The following AAMP variants were observed in gnomAD, a reference collection of about 807,000 sequenced individuals.
AAMP encodes angio-associated migratory cell protein.
In AAMP, 12 loss-of-function variants were observed where a neutral mutation model predicts 51.1. That is an observed-to-expected ratio of 0.23 (90% CI 0.15 to 0.38). The LOEUF (loss-of-function observed/expected upper bound fraction) is 0.38. Among genes scored for constraint, AAMP ranks in the 10% least tolerant of loss-of-function variants. AAMP has a pLI of 1.00. For synonymous variants in AAMP, 210 were observed against 218.7 expected (o/e 0.96, Z 0.35); for missense variants, 418 against 557.2 (o/e 0.75, Z 2.52).
intron 1 of AAMP, 194 bp from the exon 2 acceptor site, chr2:218,269,728 A>G (rs574244833): frequency 9.4e-7 from 1 of 1,058,864 alleles, no homozygotes; most frequent in East Asian, 2.6e-5. Flanking sequence ...GCGGTAAGGG[A>G]GGGCCAAGGG....
At position 218,269,515 on chromosome 2, in the gene AAMP, C is replaced by T. The variant is rs867936162; in HGVS notation, c.141G>A (p.Met47Ile). ...CTTCTTCCTCAAAGTCCACATCTTCCATCTCCTGGGCCAGGTCATCTGCTT... is the reference window on the plus strand; with the variant it reads ...CTTCTTCCTCAAAGTCCACATCTTCTATCTCCTGGGCCAGGTCATCTGCTT... Reference protein sequence around the residue: ...PPDPDDLAQEMEDVDFEEEEE... With the variant: ...PPDPDDLAQEIEDVDFEEEEE... The change falls in exon 2 of 11, where the codon ATG (methionine) becomes ATA (isoleucine). Residue 47 changes from methionine (M) to isoleucine (I), a missense_variant. By Grantham distance (10) the Met-to-Ile change is conservative. Transcript: ENST00000248450. The T allele has an allele frequency of 1.9e-6, 3 of 1,614,090 alleles. No individual in the cohort carries two copies. The highest frequency in any genetic ancestry group is 2.7e-5 in the African/African-American group (2 of 74,920).
In AAMP at chr2:218,266,887, G is replaced by A. The variant is rs747952583; in HGVS notation, c.494C>T (p.Thr165Ile). 1 of 1,614,016 alleles carries A rather than the reference G, an allele frequency of 6.2e-7. No homozygotes were observed. The highest frequency in any genetic ancestry group is 1.1e-5 in the South Asian group (1 of 91,086). Reference protein sequence around the residue: ...SGLLKVWQVDTKEEVWSFEAG... With the variant: ...SGLLKVWQVDIKEEVWSFEAG... Reference sequence around the variant, plus strand: ...TTCAAAGGACCAGACCTCCTCCTTAGTGTCCACCTGCCACACTTTCAAGAG... The same window carrying A: ...TTCAAAGGACCAGACCTCCTCCTTAATGTCCACCTGCCACACTTTCAAGAG... The change falls in exon 4 of 11, where the codon ACT becomes ATT. Residue 165 changes from threonine (T) to isoleucine (I), a missense_variant. Physicochemically the swap from Thr to Ile is moderately conservative, Grantham distance 89. Coordinates refer to ENST00000248450, the MANE Select transcript of AAMP (RefSeq NM_001087.5). This position sits in a 1 kb window ranked among gnomAD's most constrained non-coding sequence, Gnocchi z 4.7.
At position 218,265,780 on chromosome 2, in the gene AAMP, G is replaced by A. The variant is rs1395800396; in HGVS notation, c.879+51C>T. On this transcript the variant is annotated intron_variant, in intron 7 of 10. Transcript: ENST00000248450. The surrounding 1 kb of genome is among the most constrained non-coding windows in gnomAD (Gnocchi z 6.6). ...GAGACAGTGAAGACCCAGGAAGGAA[G>A]GAGAGGAGTCGGGAAAGCGGAGGCC... The A allele has an allele frequency of 6.3e-7, 1 of 1,583,268 alleles. No homozygotes were observed. The highest frequency in any genetic ancestry group is 1.1e-5 in the South Asian group (1 of 90,350).
At chr2:218,264,635 G>A in intron 10 of AAMP, 27 bp from the exon 11 acceptor site, 1 of 1,608,332 alleles carries the variant, frequency 6.2e-7, no homozygotes, top group Non-Finnish European at 8.5e-7. Context: ...TGTGATTGCA[G>A]AGACTGGGGG....
At chr2:218,264,899 A>G in intron 10 of AAMP, 121 bp downstream of exon 10, 2 of 1,503,730 alleles carry the variant, frequency 1.3e-6, no homozygotes, top group Admixed American at 1.7e-5. Flanking sequence ...GTGAACCCTC[A>G]GGCTTCTCTG....
At chr2:218,269,855 G>A in intron 1 of AAMP, 111 bp downstream of exon 1, 1 of 1,499,606 alleles carries the variant, frequency 6.7e-7, no homozygotes, top group Non-Finnish European at 9.1e-7. Flanking sequence ...GGGGAAGAGG[G>A]ATATCGGTAG....
Position 218,267,675 on chromosome 2 carries a change from A to G in AAMP, c.275-62T>C. The G allele has an allele frequency of 6.3e-7, 1 of 1,595,708 alleles. No individual in the cohort carries two copies. The highest frequency in any genetic ancestry group is 2.3e-5 in the East Asian group (1 of 44,410). ...GCTCCCACCTAGGGCTCTGTCCTTC[A>G]CAATCTTCAGGAAACCCACCCCCTT... On this transcript the variant is annotated intron_variant, in intron 2 of 10. Transcript: ENST00000248450. The surrounding 1 kb of genome is among the most constrained non-coding windows in gnomAD (Gnocchi z 4.6).
At chr2:218,264,661 C>G in intron 10 of AAMP, 53 bp from the exon 11 acceptor site, 2 of 1,521,558 alleles carry the variant, frequency 1.3e-6, no homozygotes, top group South Asian at 2.2e-5. Flanking sequence ...AGCCCACCAC[C>G]TAGGGGCCCT....
In AAMP at chr2:218,265,331, G is replaced by C; in HGVS notation, c.1074+40C>G. ...GAGGCCTGGGCTTCCCCACCACTAT[G>C]GACACAGCCCACAGGGACCCCAGCT... On this transcript the variant is annotated intron_variant, in intron 9 of 10. Transcript: ENST00000248450. This position sits in a 1 kb window ranked among gnomAD's most constrained non-coding sequence, Gnocchi z 6.6. 6.5e-7 allele frequency: 1 copy of C among 1,534,944 alleles called. No individual in the cohort carries two copies. Among genetic ancestry groups the C allele is most frequent in the East Asian group, 2.4e-5 (1 of 41,270 alleles).
intron 1 of AAMP, 131 bp from the exon 2 acceptor site, chr2:218,269,665 CCGCGGGGGCG>C: frequency 2.7e-6 from 4 of 1,492,208 alleles, no homozygotes; most frequent in Non-Finnish European, 3.7e-6. Flanking sequence ...ACACCGGGGT[CCGCGGGGGCG>C]CGCGGGACAC....
At position 218,266,398 on chromosome 2, in the gene AAMP, C is replaced by T. The variant is rs373583528; in HGVS notation, c.679+45G>A. The T allele has an allele frequency of 1.9e-5, 31 of 1,597,060 alleles. No homozygotes were observed. Among genetic ancestry groups the T allele is most frequent in the East Asian group, 2.2e-5 (1 of 44,494 alleles). On this transcript the variant is annotated intron_variant, in intron 5 of 10. Transcript: ENST00000248450. This position sits in a 1 kb window ranked among gnomAD's most constrained non-coding sequence, Gnocchi z 4.7. ...TCTGGGAGGTGTATATCCCGGGATTCGGCCTCTGCACCCAGGAAAGGTCAC... is the reference window on the plus strand; with the variant it reads ...TCTGGGAGGTGTATATCCCGGGATTTGGCCTCTGCACCCAGGAAAGGTCAC...
chr2:218,269,754 G>T (rs1377306694), intron 1 of AAMP: 3 of 986,296 alleles, frequency 3.0e-6, no homozygotes, highest in South Asian at 1.5e-5. Flanking sequence ...TGGGAAGGGG[G>T]TGTGTGAGGG....
chr2:218,269,792 C>T (rs977807614), intron 1 of AAMP, 174 bp downstream of exon 1: 37 of 1,133,990 alleles, frequency 3.3e-5, no homozygotes, highest in Middle Eastern at 5.6e-4. Flanking sequence ...GTCAGGGAAC[C>T]CCCACCCCAG....
Position 218,267,456 on chromosome 2 carries a change from A to G in AAMP, c.394+38T>C, listed in dbSNP as rs1236521036. ...CAGCCTCCTAAGATCTCCCAAAAGA[A>G]TATGACCTCTCCCAGGCCTCTACCC... On this transcript the variant is annotated intron_variant, in intron 3 of 10. Transcript: ENST00000248450. This position sits in a 1 kb window ranked among gnomAD's most constrained non-coding sequence, Gnocchi z 4.6. 1.2e-6 allele frequency: 2 copies of G among 1,611,262 alleles called. No homozygotes were observed. Among genetic ancestry groups the G allele is most frequent in the South Asian group, 1.1e-5 (1 of 90,878 alleles).
In AAMP at chr2:218,265,184, G is replaced by A; in HGVS notation, c.1075-10C>T. On this transcript the variant is annotated splice_polypyrimidine_tract_variant and intron_variant, in intron 9 of 10. Transcript: ENST00000248450. This position sits in a 1 kb window ranked among gnomAD's most constrained non-coding sequence, Gnocchi z 6.6. ...GCTGCACGATGCCCGACTGCCCCGA[G>A]GAATGACAGAGGCAGGGCGGAGGTT... 2 of 1,576,804 alleles carry A rather than the reference G, an allele frequency of 1.3e-6. No homozygotes were observed. The highest frequency in any genetic ancestry group is 1.7e-6 in the Non-Finnish European group (2 of 1,161,104).
In AAMP at chr2:218,269,439, C is replaced by T; in HGVS notation, c.217G>A (p.Val73Met). ...EGWVLEPQEG[V>M]VGSMEGPDDS... is the part of the protein sequence containing the mutation. ...TCGGGGCCCTCCATGCTGCCGACCA[C>T]CCCTTCCTGGGGTTCTAGAACCCAG... Residue 73 changes from valine (V) to methionine (M), a missense_variant, in exon 2 of 11, where the codon GTG (valine) becomes ATG (methionine). By Grantham distance (21) the Val-to-Met change is conservative. Coordinates refer to ENST00000248450, the MANE Select transcript of AAMP (RefSeq NM_001087.5). 6.2e-7 allele frequency: 1 copy of T among 1,614,248 alleles called. No homozygotes were observed. The highest frequency in any genetic ancestry group is 8.5e-7 in the Non-Finnish European group (1 of 1,180,042).
Position 218,266,047 on chromosome 2 carries a change from TC to T in AAMP, c.763+16del, listed in dbSNP as rs1559492653. ...CCCTACAAAGGCCCAGGCTAACACT[TC>T]CCCCACCTCTGATACCTTTCAGTAC... is the stretch of plus-strand genomic sequence containing the variant. On this transcript the variant is annotated intron_variant, in intron 6 of 10. Transcript: ENST00000248450. The surrounding 1 kb of genome is among the most constrained non-coding windows in gnomAD (Gnocchi z 4.7). The T allele has an allele frequency of 2.5e-6, 4 of 1,613,382 alleles. No individual in the cohort carries two copies. Among genetic ancestry groups the T allele is most frequent in the Non-Finnish European group, 2.5e-6 (3 of 1,179,484 alleles).
At chr2:218,269,931 T>C in intron 1 of AAMP, 35 bp downstream of exon 1, 1 of 1,613,664 alleles carries the variant, frequency 6.2e-7, no homozygotes, top group South Asian at 1.1e-5. Flanking sequence ...GGTGAGCGTC[T>C]CCTGTCCCAT....
rs909463675 is a variant in AAMP, at chr2:218,266,423, C to T, written c.679+20G>A. ...CGGCCTCTGCACCCAGGAAAGGTCA[C>T]TCAAGGGAGGTGCTCTCACCATCAG... On this transcript the variant is annotated intron_variant, in intron 5 of 10. Coordinates refer to ENST00000248450, the MANE Select transcript of AAMP (RefSeq NM_001087.5). This position sits in a 1 kb window ranked among gnomAD's most constrained non-coding sequence, Gnocchi z 4.7. 3 of 1,611,806 alleles carry T rather than the reference C, an allele frequency of 1.9e-6. No homozygotes were observed.
Sources: gnomAD v4.1 joint callset for allele counts on GRCh38, gnomAD v4.1.1 for gene constraint, Gnocchi (gnomAD v3.1) non-coding constraint, MANE v1.5 for transcripts, NCBI Gene and HGNC (gene_info 2026-07-23, HGNC 2026-07-21) for gene names.